The following COMMD1 variants were observed in gnomAD, a reference collection of about 807,000 sequenced individuals.
The protein encoded by COMMD1 is copper metabolism domain containing 1, also known as COMM domain-containing protein 1.
In COMMD1, 10 loss-of-function variants were observed where a neutral mutation model predicts 17.2. The observed-to-expected ratio is 0.58, with a 90% CI of 0.36 to 0.99. The LOEUF (loss-of-function observed/expected upper bound fraction) is 0.99, where lower values mean the gene tolerates loss of function less well. Ranked by LOEUF, COMMD1 falls within the 50% of genes least tolerant of loss-of-function variation. COMMD1 has a pLI of 0.01. For missense variants in COMMD1, 270 were observed against 231.8 expected, an observed-to-expected ratio of 1.17 and a Z score of -1.07; for synonymous variants, 97 against 91.6, an observed-to-expected ratio of 1.06 and a Z score of -0.34.
chr2:61,942,917 A>G (rs1572986508), intron 1 of COMMD1, among the ~76,000 whole-genome samples: 1 of 152,118 alleles, frequency 6.6e-6, no homozygotes, highest in African/African-American at 2.4e-5. Flanking sequence ...ATGTGTACAT[A>G]TACCTAAACA....
At chr2:61,891,610 C>G (rs1380572343) in intron 1 of COMMD1, among the ~76,000 whole-genome samples, 3 of 151,756 alleles carry the variant, frequency 2.0e-5, no homozygotes, top group Non-Finnish European at 4.4e-5. Context: ...TGCCTGTAAT[C>G]CCAGCTGTTC....
chr2:61,961,331 A>C (rs1456123376), intron 1 of COMMD1, among the ~76,000 whole-genome samples: 1 of 152,168 alleles, frequency 6.6e-6, no homozygotes, highest in East Asian at 1.9e-4. Context: ...ATTGGCTGTT[A>C]GTTTAAAACT....
chr2:61,991,026 G>A (rs1014829803), intron 1 of COMMD1, among the ~76,000 whole-genome samples: 2 of 151,764 alleles, frequency 1.3e-5, no homozygotes, highest in Non-Finnish European at 2.9e-5. Context: ...AGGAGGACAA[G>A]GCTGTAGTGA....
intron 1 of COMMD1, among the ~76,000 whole-genome samples, chr2:61,951,459 C>CAA (rs78945501): frequency 1.1e-4 from 11 of 98,230 alleles, no homozygotes; most frequent in African/African-American, 3.2e-4. Flanking sequence ...GACTCTGTCT[C>CAA]AAAAAAAAAA....
At chr2:61,988,141 T>C (rs977796334) in intron 1 of COMMD1, among the ~76,000 whole-genome samples, 2 of 152,250 alleles carry the variant, frequency 1.3e-5, no homozygotes, top group East Asian at 3.9e-4. Flanking sequence ...AGAGTCTGTT[T>C]GGTGCTCTTC....
intron 2 of COMMD1, among the ~76,000 whole-genome samples, chr2:62,009,449 A>G (rs1669218945): frequency 6.6e-6 from 1 of 152,200 alleles, no homozygotes; most frequent in African/African-American, 2.4e-5. Context: ...TACTGAAAAT[A>G]CAAAAGTTTG....
chr2:61,995,904 A>G (rs993008496), intron 1 of COMMD1, among the ~76,000 whole-genome samples: 1 of 152,210 alleles, frequency 6.6e-6, no homozygotes. Context: ...GTTTGGTTCC[A>G]GGTGGCCACA....
chr2:61,995,777 C>G (rs899343236), intron 1 of COMMD1, among the ~76,000 whole-genome samples: 3 of 152,154 alleles, frequency 2.0e-5, no homozygotes, highest in Non-Finnish European at 2.9e-5. Flanking sequence ...CTTCAGTTTC[C>G]TTTTCTGTAA....
chr2:62,125,959 C>T (rs1672874479), intron 2 of COMMD1, among the ~76,000 whole-genome samples: 1 of 152,066 alleles, frequency 6.6e-6, no homozygotes. Flanking sequence ...GAATGTTGTT[C>T]CCTCCCTGTG....
At chr2:62,084,206 C>T (rs959825663) in intron 2 of COMMD1, among the ~76,000 whole-genome samples, 1 of 152,058 alleles carries the variant, frequency 6.6e-6, no homozygotes, top group East Asian at 1.9e-4. Flanking sequence ...TAAGGGACAC[C>T]AACTCCCCCA....
At chr2:62,014,551 T>C (rs1205719239) in intron 2 of COMMD1, among the ~76,000 whole-genome samples, 2 of 23,340 alleles carry the variant, frequency 8.6e-5, no homozygotes, top group Admixed American at 9.2e-4. Context: ...CCTTTTTTTT[T>C]TTTTTTTTTT....
chr2:62,048,427 A>T lies in COMMD1; in HGVS notation c.462+47445A>T, dbSNP rs535018947. On this transcript the variant is annotated intron_variant, in intron 2 of 2. Coordinates refer to ENST00000311832, the MANE Select transcript of COMMD1 (RefSeq NM_152516.4). ...ATAGTCTTGATCTCCTGACCTCGTG[A>T]TCCGCCCGCCTCGCCCTCCCAAAGT... 5.9e-5 allele frequency among the ~76,000 whole-genome samples: 9 copies of T among 151,962 alleles called. 1 individual carries two copies. Among genetic ancestry groups the T allele is most frequent in the Admixed American group, 4.6e-4 (7 of 15,250 alleles).
intron 2 of COMMD1, among the ~76,000 whole-genome samples, chr2:62,006,081 A>ATACT (rs1669106582): frequency 6.6e-6 from 1 of 151,304 alleles, no homozygotes. Flanking sequence ...CATTCTCAGT[A>ATACT]AACTATCGCA....
intron 2 of COMMD1, among the ~76,000 whole-genome samples, chr2:62,075,494 C>G (rs1008978087): frequency 6.6e-6 from 1 of 152,220 alleles, no homozygotes; most frequent in East Asian, 1.9e-4. Context: ...GTATCACCCT[C>G]TGGCTAGAGC....
chr2:61,892,284 A>T (rs570468017), intron 1 of COMMD1, among the ~76,000 whole-genome samples: 62 of 152,288 alleles, frequency 4.1e-4, no homozygotes, highest in African/African-American at 1.5e-3. Flanking sequence ...TAGGTTTTAC[A>T]AAACAATAAT....
Position 61,990,543 on chromosome 2 carries a change from G to A in COMMD1, c.181-10158G>A, listed in dbSNP as rs1013991365. Among the ~76,000 whole-genome samples, 4 of 152,190 alleles carry A rather than the reference G, an allele frequency of 2.6e-5. No individual in the cohort carries two copies. In the South Asian group the frequency reaches 8.3e-4, roughly 32 times the overall value. The stretch of plus-strand genomic sequence containing the variant: ...TGGATTAGTCAATTTTCATGCTGCT[G>A]ATAAAGACATAGCCGAGACTGGGCA... On this transcript the variant is annotated intron_variant, in intron 1 of 2. Transcript: ENST00000311832.
intron 1 of COMMD1, among the ~76,000 whole-genome samples, chr2:61,908,144 C>T (rs77885849): frequency 2.0e-5 from 3 of 151,918 alleles, no homozygotes; most frequent in African/African-American, 4.8e-5. Flanking sequence ...GTCTGAGGAA[C>T]GAAGGGATAT....
At chr2:61,889,683 C>T (rs1207788886) in intron 1 of COMMD1, among the ~76,000 whole-genome samples, 3 of 151,816 alleles carry the variant, frequency 2.0e-5, no homozygotes, top group Admixed American at 6.6e-5. Context: ...TGGAATGAGG[C>T]GAGGTTAGTT....
chr2:61,951,367 C>G (rs185507351), intron 1 of COMMD1, among the ~76,000 whole-genome samples: 2 of 150,972 alleles, frequency 1.3e-5, no homozygotes, highest in African/African-American at 4.9e-5. Context: ...GGCTGAGGTA[C>G]GAGAATCACT....
Sources: allele counts gnomAD v4.1 joint callset (sites outside exome capture counted in the v4.1 genomes callset), GRCh38; gene constraint gnomAD v4.1.1; transcripts MANE v1.5; gene names NCBI Gene and HGNC (gene_info 2026-07-23, HGNC 2026-07-21).